Variants in ILDR1 observed in about 807,000 individuals in gnomAD.
ILDR1 encodes immunoglobulin like domain containing receptor 1.
A neutral mutation model predicts 62.4 loss-of-function variants in ILDR1; 56 were observed. That is an observed-to-expected ratio of 0.90 (90% CI 0.72 to 1.12). ILDR1 has a LOEUF of 1.12. Among genes scored for constraint, ILDR1 ranks in the 50% most tolerant of loss-of-function variants. The probability of loss-of-function intolerance (pLI) is 0.00; values close to 1 mark genes in which losing one functional copy is unlikely to be tolerated. For synonymous variants in ILDR1, 284 were observed against 277.8 expected (o/e 1.02, Z -0.22); for missense variants, 736 against 710.6 (o/e 1.04, Z -0.41).
intron 7 of ILDR1, among the ~76,000 whole-genome samples, chr3:121,991,495 C>A (rs762331198): frequency 1.3e-5 from 2 of 152,092 alleles, no homozygotes; most frequent in Non-Finnish European, 2.9e-5. Context: ...TTACTGGTAA[C>A]ACGGAAGAAA....
intron 7 of ILDR1, among the ~76,000 whole-genome samples, chr3:121,992,269 TTG>T (rs2071359796): frequency 6.6e-6 from 1 of 152,196 alleles, no homozygotes; most frequent in South Asian, 2.1e-4. Flanking sequence ...CCTGAGTAAC[TTG>T]GATTACAGGC....
chr3:122,058,566 G>A, the ILDR1 span, among the ~76,000 whole-genome samples: 1 of 152,092 alleles, frequency 6.6e-6, no homozygotes, highest in Admixed American at 6.5e-5. Flanking sequence ...ATAGACAAAT[G>A]GGGTCTAGGT....
In ILDR1 at chr3:122,005,274, A is replaced by G; in HGVS notation, c.349T>C (p.Tyr117His). 1 of 1,602,288 alleles carries G rather than the reference A, an allele frequency of 6.2e-7. No homozygotes were observed. Among genetic ancestry groups the G allele is most frequent in the Non-Finnish European group, 8.5e-7 (1 of 1,175,012 alleles). The change falls in exon 3 of 8, where the codon TAC becomes CAC. Residue 117 changes from tyrosine to histidine, a missense_variant. Transcript: ENST00000344209. ...GQNEPVLGVD[Y>H]RQRKITIQNR... ...TGGATGGTGATCTTGCGCTGCCGGT[A>G]ATCTACCCCCAGCACGGGCTCATTC...
chr3:122,033,650 C>G, the ILDR1 span, among the ~76,000 whole-genome samples: 1 of 152,084 alleles, frequency 6.6e-6, no homozygotes, highest in Admixed American at 6.6e-5. Context: ...GATCTACAAT[C>G]CACGTGGAAC....
At chr3:121,992,738 G>C (rs2071368014) in intron 7 of ILDR1, among the ~76,000 whole-genome samples, 1 of 152,226 alleles carries the variant, frequency 6.6e-6, no homozygotes, top group Admixed American at 6.5e-5. Flanking sequence ...TTGGGGTATG[G>C]AAATGGGTTG....
In ILDR1 at chr3:122,022,026, G is replaced by T; in HGVS notation, c.52C>A (p.Pro18Thr). 1 of 1,611,166 alleles carries T rather than the reference G, an allele frequency of 6.2e-7. No homozygotes were observed. Among genetic ancestry groups the T allele is most frequent in the Non-Finnish European group, 8.5e-7 (1 of 1,178,816 alleles). The change falls in exon 1 of 8, where the codon CCA becomes ACA. Residue 18 changes from proline to threonine, a missense_variant. Transcript: ENST00000344209. The part of the protein sequence containing the change: ...APWLLLCTWL[P>T]AGCLSLLVTV... Reference sequence around the variant, plus strand: ...CCATTTTTCCAAGGCTCACCTGCTGGGAGCCAGGTGCAGAGCAGCAGCCAA... The same window carrying T: ...CCATTTTTCCAAGGCTCACCTGCTGTGAGCCAGGTGCAGAGCAGCAGCCAA...
chr3:122,007,273 G>C lies in ILDR1; in HGVS notation c.59-112C>G, dbSNP rs777705746. The C allele has an allele frequency of 7.1e-6, 11 of 1,559,374 alleles. No homozygotes were observed. In the South Asian group the frequency reaches 1.3e-4, roughly 18 times the overall value. The stretch of plus-strand genomic sequence containing the variant: ...CCTGCCATCCTGCCTGACCTGGCTA[G>C]GAGCTCACAGACAGAGTCTGGGTTC... On this transcript the variant is annotated intron_variant, in intron 1 of 7. Transcript: ENST00000344209.
In ILDR1 at chr3:121,987,983, G is replaced by T. The variant is rs1238911737; in HGVS notation, c.*384C>A. On this transcript the variant is annotated 3_prime_UTR_variant, in exon 8 of 8. Transcript: ENST00000344209. ...ACAGATGTGTGATCATGGGATCCTG[G>T]CTCATTGCAGCCTTGCACTCCTGGG... 6 of 352,260 alleles carry T rather than the reference G, an allele frequency of 1.7e-5. No homozygotes were observed. Among genetic ancestry groups the T allele is most frequent in the Non-Finnish European group, 3.3e-5 (6 of 180,548 alleles). 21.8% of individuals were successfully genotyped at this position (352,260 alleles called of 1,614,324 possible).
chr3:122,042,301 TA>T, the ILDR1 span, among the ~76,000 whole-genome samples: 1 of 61,984 alleles, frequency 1.6e-5, no homozygotes, highest in African/African-American at 6.6e-5. Context: ...CACATTTTCT[TA>T]ATCCAGTCTA....
intron 7 of ILDR1, among the ~76,000 whole-genome samples, chr3:121,990,950 C>A (rs996214729): frequency 1.3e-5 from 2 of 152,162 alleles, no homozygotes; most frequent in Non-Finnish European, 2.9e-5. Context: ...GCCTGTAATC[C>A]CAGCACTTTG....
chr3:122,055,275 G>T, the ILDR1 span: 1 of 547,536 alleles, frequency 1.8e-6, no homozygotes, highest in Non-Finnish European at 3.3e-6. Flanking sequence ...GCAAGGAAAG[G>T]GTTAAATTTC....
chr3:122,026,499 A>G (rs1270590827), upstream of ILDR1, among the ~76,000 whole-genome samples: 2 of 152,238 alleles, frequency 1.3e-5, no homozygotes, highest in African/African-American at 4.8e-5. Flanking sequence ...AATGAACATA[A>G]ACATATAGAA....
the ILDR1 span, among the ~76,000 whole-genome samples, chr3:122,045,490 G>T: frequency 3.3e-5 from 5 of 152,058 alleles, no homozygotes; most frequent in Non-Finnish European, 7.3e-5. Context: ...TTTCTGTCTG[G>T]TTGATCTGTC....
chr3:122,051,079 C>T, the ILDR1 span, among the ~76,000 whole-genome samples: 2 of 152,070 alleles, frequency 1.3e-5, no homozygotes, highest in South Asian at 2.1e-4. Context: ...TTTTGGCTTT[C>T]GACAATTTGA....
At chr3:121,997,551 G>C (rs934643232) in intron 5 of ILDR1, among the ~76,000 whole-genome samples, 8 of 152,192 alleles carry the variant, frequency 5.3e-5, no homozygotes, top group African/African-American at 1.9e-4. Context: ...TGATGAAGAG[G>C]AACCAGCCCT....
At chr3:122,035,660 T>A in the ILDR1 span, among the ~76,000 whole-genome samples, 7 of 152,164 alleles carry the variant, frequency 4.6e-5, no homozygotes, top group Non-Finnish European at 8.8e-5. Flanking sequence ...TGGTAAGATG[T>A]GCTTGCTTCC....
the ILDR1 span, among the ~76,000 whole-genome samples, chr3:122,032,505 G>C: frequency 6.6e-6 from 1 of 152,092 alleles, no homozygotes; most frequent in Non-Finnish European, 1.5e-5. Flanking sequence ...AAATTGTTTG[G>C]TCATAGGATA....
At chr3:122,027,578 C>A in the ILDR1 span, among the ~76,000 whole-genome samples, 1 of 152,104 alleles carries the variant, frequency 6.6e-6, no homozygotes, top group Admixed American at 6.5e-5. Context: ...GATGACAATT[C>A]TTCCCAAATT....
chr3:122,035,536 C>T, the ILDR1 span, among the ~76,000 whole-genome samples: 12 of 152,286 alleles, frequency 7.9e-5, no homozygotes, highest in African/African-American at 1.4e-4. Context: ...GTGATTGGAT[C>T]GTGGGGGCAG....
Sources: allele counts gnomAD v4.1 joint callset (sites outside exome capture counted in the v4.1 genomes callset), GRCh38; gene constraint gnomAD v4.1.1; transcripts MANE v1.5; gene names NCBI Gene and HGNC (gene_info 2026-07-23, HGNC 2026-07-21).